IQCK: variants seen among roughly 807,000 people sequenced by gnomAD.
IQCK encodes the protein IQ motif containing K.
In IQCK, 29 loss-of-function variants were observed where a neutral mutation model predicts 28.1. The observed-to-expected ratio is 1.03, with a 90% CI of 0.77 to 1.41. The LOEUF (loss-of-function observed/expected upper bound fraction) is 1.41, where lower values mean the gene tolerates loss of function less well. Among genes scored for constraint, IQCK ranks in the 40% most tolerant of loss-of-function variants. The pLI, the probability that IQCK is intolerant of heterozygous loss-of-function variation, is 0.00. For synonymous variants in IQCK, 113 were observed against 115.1 expected (o/e 0.98, Z 0.12); for missense variants, 359 against 314.7 (o/e 1.14, Z -1.07).
At chr16:19,782,991 C>CTTTT (rs111698209) in intron 6 of IQCK, among the ~76,000 whole-genome samples, 2 of 148,842 alleles carry the variant, frequency 1.3e-5, no homozygotes, top group African/African-American at 2.5e-5. Context: ...GATTCTTCTT[C>CTTTT]TTTTTTTGTG....
At chr16:19,764,081 A>G (rs149444739) in exon 6 of IQCK, 1 of 1,613,850 alleles carries the variant, frequency 6.2e-7, no homozygotes, top group Admixed American at 1.7e-5. Flanking sequence ...ATTTTTCTCC[A>G]TTCCATTTGT....
intron 9 of IQCK, among the ~76,000 whole-genome samples, chr16:19,836,720 G>A (rs1254610470): frequency 6.6e-6 from 1 of 152,144 alleles, no homozygotes; most frequent in Admixed American, 6.5e-5. Context: ...CACCATGTTG[G>A]CCAGGATGCT....
At chr16:19,735,584 G>A (rs968552747) in intron 4 of IQCK, 134 bp downstream of exon 4, 11 of 719,162 alleles carry the variant, frequency 1.5e-5, no homozygotes, top group Non-Finnish European at 2.7e-5. Context: ...TGTGTTTGGG[G>A]TCACTTACCC....
At chr16:19,853,847 C>T (rs545832449) in intron 9 of IQCK, among the ~76,000 whole-genome samples, 12 of 152,316 alleles carry the variant, frequency 7.9e-5, no homozygotes, top group African/African-American at 2.9e-4. Flanking sequence ...AGGCTGGTCT[C>T]GAACCCCTGA....
chr16:19,761,695 T>C (rs1234942387), intron 4 of IQCK: 1 of 264,770 alleles, frequency 3.8e-6, no homozygotes, highest in South Asian at 4.1e-5. Flanking sequence ...CTCCACCCCA[T>C]TGGCAGGCTC....
intron 7 of IQCK, among the ~76,000 whole-genome samples, chr16:19,823,932 T>TA (rs60256068): frequency 1.0e-4 from 15 of 143,994 alleles, no homozygotes; most frequent in African/African-American, 3.7e-4. Context: ...GACTCCCTCT[T>TA]AAAAAATAAA....
chr16:19,849,389 C>G (rs930189903), intron 9 of IQCK, among the ~76,000 whole-genome samples: 2 of 151,622 alleles, frequency 1.3e-5, no homozygotes, highest in Admixed American at 6.6e-5. Context: ...ATGAAAATCT[C>G]ACCCAAGAAT....
chr16:19,759,311 C>CG (rs1405198013), intron 4 of IQCK, among the ~76,000 whole-genome samples: 1 of 152,072 alleles, frequency 6.6e-6, no homozygotes, highest in Non-Finnish European at 1.5e-5. Flanking sequence ...CAGGTTCAAG[C>CG]GATTCTCCTC....
chr16:19,723,864 G>A (rs558224575), intron 1 of IQCK, among the ~76,000 whole-genome samples: 184 of 152,102 alleles, frequency 1.2e-3, no homozygotes, highest in African/African-American at 4.2e-3. Context: ...GGAGGCTGAG[G>A]CAGGAGAATC....
chr16:19,827,379 T>G (rs899117412), downstream of IQCK, among the ~76,000 whole-genome samples: 3 of 152,198 alleles, frequency 2.0e-5, no homozygotes, highest in Non-Finnish European at 4.4e-5. Flanking sequence ...TGTCTGCAGT[T>G]TCTATTTTTG....
chr16:19,774,398 CTTTTTTTTTTTTTTTT>C (rs1167894201), intron 6 of IQCK, among the ~76,000 whole-genome samples: 1 of 104,100 alleles, frequency 9.6e-6, no homozygotes. Context: ...TTAGCTAATA[CTTTTTTTTTTTTTTTT>C]TTTTTTTTTT....
chr16:19,774,892 G>A (rs1182243004), intron 6 of IQCK, among the ~76,000 whole-genome samples: 1 of 152,152 alleles, frequency 6.6e-6, no homozygotes, highest in African/African-American at 2.4e-5. Context: ...TTGAGAAGAA[G>A]AGAGAAAGAC....
At chr16:19,830,435 T>C (rs2056216030), downstream of IQCK, among the ~76,000 whole-genome samples, 2 of 152,148 alleles carry the variant, frequency 1.3e-5, no homozygotes, top group Non-Finnish European at 2.9e-5. Flanking sequence ...AGCAGTTCCA[T>C]TTCCACCATC....
At chr16:19,850,254 C>G (rs1304714326) in intron 9 of IQCK, among the ~76,000 whole-genome samples, 1 of 152,034 alleles carries the variant, frequency 6.6e-6, no homozygotes, top group African/African-American at 2.4e-5. Context: ...AGATCTTGAC[C>G]CTGTAGAGTT....
intron 4 of IQCK, among the ~76,000 whole-genome samples, chr16:19,753,980 C>T (rs62025011): frequency 6.6e-6 from 1 of 152,128 alleles, no homozygotes; most frequent in South Asian, 2.1e-4. Context: ...TCTCATCACT[C>T]TGAAGTGGGT....
chr16:19,782,041 G>A (rs549273705), intron 6 of IQCK, among the ~76,000 whole-genome samples: 43 of 151,982 alleles, frequency 2.8e-4, no homozygotes, highest in African/African-American at 9.2e-4. Flanking sequence ...TTGGGAACCC[G>A]GTTAGGATGG....
intron 1 of IQCK, among the ~76,000 whole-genome samples, chr16:19,726,680 A>G (rs1042175197): frequency 3.8e-4 from 58 of 152,336 alleles, no homozygotes; most frequent in African/African-American, 1.3e-3. Context: ...TGGGCTTACA[A>G]TAGATATAAA....
chr16:19,816,645 A>G (rs1177038827), intron 7 of IQCK, among the ~76,000 whole-genome samples: 3 of 152,204 alleles, frequency 2.0e-5, no homozygotes, highest in Non-Finnish European at 4.4e-5. Context: ...TCATTTATAT[A>G]TTCAATACTT....
intron 6 of IQCK, among the ~76,000 whole-genome samples, chr16:19,767,104 G>A (rs2055249591): frequency 6.6e-6 from 1 of 152,208 alleles, no homozygotes; most frequent in South Asian, 2.1e-4. Context: ...GTGCCCTGCT[G>A]CTCAAACCTC....
Sources: allele counts gnomAD v4.1 joint callset (sites outside exome capture counted in the v4.1 genomes callset), GRCh38; gene constraint gnomAD v4.1.1; transcripts MANE v1.5; gene names NCBI Gene and HGNC (gene_info 2026-07-23, HGNC 2026-07-21).